The following HECW2 variants were observed in gnomAD, a reference collection of about 807,000 sequenced individuals.
HECW2 encodes the protein E3 ubiquitin-protein ligase HECW2.
Under a neutral mutation model 175.2 loss-of-function variants are expected in HECW2, and 61 were observed. The ratio of observed to expected loss-of-function variants is 0.35; its 90% CI spans 0.28 to 0.43. The LOEUF (loss-of-function observed/expected upper bound fraction) is 0.43. Among genes scored for constraint, HECW2 ranks in the 20% least tolerant of loss-of-function variants. The pLI, the probability that HECW2 is intolerant of heterozygous loss-of-function variation, is 1.00. For synonymous variants in HECW2, 671 were observed against 731.0 expected, an observed-to-expected ratio of 0.92 and a Z score of 1.32; for missense variants, 1,524 against 2,000.5, an observed-to-expected ratio of 0.76 and a Z score of 4.54.
chr2:196,452,001 T>A (rs1696363184), intron 1 of HECW2, among the ~76,000 whole-genome samples: 1 of 152,254 alleles, frequency 6.6e-6, no homozygotes, highest in African/African-American at 2.4e-5. Context: ...TCTAACTACA[T>A]CAAATACTAT....
At position 196,325,163 on chromosome 2, in the gene HECW2, G is replaced by A. The variant is rs1019068244; in HGVS notation, c.572-14C>T. The A allele has an allele frequency of 1.2e-5, 19 of 1,555,812 alleles. No homozygotes were observed. The African/African-American group carries it at 1.8e-4, about 15-fold the overall frequency. On this transcript the variant is annotated splice_polypyrimidine_tract_variant and intron_variant, in intron 5 of 28. Coordinates refer to ENST00000644978, the MANE Select transcript of HECW2 (RefSeq NM_001348768.2). ...CTGCCCTAAGATCTTTAAAGAAAGA[G>A]GGAGAAGGAGGGAGGGACAAAGAGA...
At chr2:196,407,005 GA>G (rs1223579383) in intron 2 of HECW2, among the ~76,000 whole-genome samples, 7 of 152,098 alleles carry the variant, frequency 4.6e-5, no homozygotes, top group Non-Finnish European at 1.0e-4. Context: ...CACAAGTTGG[GA>G]GACGCTCTGT....
chr2:196,318,800 G>A lies in HECW2; in HGVS notation c.2090C>T (p.Ser697Leu), dbSNP rs139251909. 181 of 1,526,912 alleles carry A rather than the reference G, an allele frequency of 1.2e-4. No individual in the cohort carries two copies. In the African/African-American group the frequency reaches 1.4e-3, roughly 12 times the overall value. The allele number at this position is 1,526,912 out of a possible 1,614,324, so 94.6% of individuals were successfully genotyped here. A position where few individuals can be genotyped will look rare whatever the true frequency, so the allele number is the denominator to read the frequency against. Residue 697 changes from serine to leucine, a missense_variant, in exon 9 of 29, where the codon TCG becomes TTG. By Grantham distance (145) the Ser-to-Leu change is moderately radical. Coordinates refer to ENST00000644978, the MANE Select transcript of HECW2 (RefSeq NM_001348768.2). ...ACCAGCAGTGCACACGGATTCCTGC[G>A]ACCCTTCGGCAGGGCCACTGCTGGT... ...EPTSSGPAEG[S>L]QESVCTAGSL... is the part of the protein sequence containing the mutation.
At chr2:196,332,529 T>C (rs76338759) in intron 4 of HECW2, among the ~76,000 whole-genome samples, 4,075 of 152,308 alleles carry the variant, frequency 0.027, 72 homozygotes, top group South Asian at 0.059. Context: ...TGAAACCTGT[T>C]TGAAGCAAAT....
chr2:196,554,113 C>T (rs899616040), intron 1 of HECW2, among the ~76,000 whole-genome samples: 4 of 151,844 alleles, frequency 2.6e-5, no homozygotes, highest in African/African-American at 9.7e-5. Context: ...CCGAGGCGGG[C>T]GGATCACGAG....
At chr2:196,445,943 G>A (rs1365918726) in intron 1 of HECW2, among the ~76,000 whole-genome samples, 1 of 152,082 alleles carries the variant, frequency 6.6e-6, no homozygotes, top group African/African-American at 2.4e-5. Context: ...TTCCATTCTT[G>A]ATTTTTGTAT....
chr2:196,227,743 T>C (rs1687906138), intron 22 of HECW2, among the ~76,000 whole-genome samples: 1 of 151,988 alleles, frequency 6.6e-6, no homozygotes, highest in African/African-American at 2.4e-5. Flanking sequence ...CCCCTCCTCA[T>C]CCCCACCTCA....
chr2:196,502,408 ATAT>A (rs1297365532), intron 1 of HECW2, among the ~76,000 whole-genome samples: 2 of 152,234 alleles, frequency 1.3e-5, no homozygotes, highest in African/African-American at 4.8e-5. Flanking sequence ...AAACAATAAC[ATAT>A]TATCAAATTC....
chr2:196,500,379 G>GCATA (rs1482095353), intron 1 of HECW2, among the ~76,000 whole-genome samples: 17 of 152,080 alleles, frequency 1.1e-4, no homozygotes, highest in Admixed American at 5.9e-4. Context: ...ATACATACAT[G>GCATA]CATACATACA....
chr2:196,292,832 A>G (rs957592347), intron 13 of HECW2, 82 bp from the exon 14 acceptor site: 2 of 1,060,470 alleles, frequency 1.9e-6, no homozygotes, highest in African/African-American at 1.6e-5. Flanking sequence ...GGTATGGCTA[A>G]TCTTCCAATA....
chr2:196,342,132 C>T (rs1002173076), intron 3 of HECW2, among the ~76,000 whole-genome samples: 3 of 151,946 alleles, frequency 2.0e-5, no homozygotes. Context: ...TGGCCAGGCA[C>T]AGGGGCTCAT....
chr2:196,513,352 T>C (rs1163852965), intron 1 of HECW2, among the ~76,000 whole-genome samples: 4 of 152,032 alleles, frequency 2.6e-5, no homozygotes, highest in South Asian at 2.1e-4. Context: ...CTACAAAAAA[T>C]AGAAAAATTA....
intron 2 of HECW2, among the ~76,000 whole-genome samples, chr2:196,362,820 C>T (rs960457700): frequency 6.6e-6 from 1 of 152,114 alleles, no homozygotes; most frequent in Non-Finnish European, 1.5e-5. Flanking sequence ...TGTTAGCCCA[C>T]CTGTGTCAGT....
chr2:196,206,989 C>T (rs1687091058), intron 28 of HECW2, among the ~76,000 whole-genome samples: 1 of 152,156 alleles, frequency 6.6e-6, no homozygotes, highest in South Asian at 2.1e-4. Context: ...TGCAGGTTTT[C>T]TCTGAATCAA....
intron 2 of HECW2, among the ~76,000 whole-genome samples, chr2:196,408,814 C>A (rs1695031203): frequency 6.6e-6 from 1 of 152,202 alleles, no homozygotes; most frequent in South Asian, 2.1e-4. Context: ...CTGAGGAATG[C>A]TGGACTCGTT....
At chr2:196,482,994 C>T (rs1358916803) in intron 1 of HECW2, among the ~76,000 whole-genome samples, 4 of 151,466 alleles carry the variant, frequency 2.6e-5, no homozygotes, top group African/African-American at 9.7e-5. Flanking sequence ...CGTTGGCTTA[C>T]CTCGAGAAAA....
chr2:196,308,502 A>G (rs1288309993), intron 10 of HECW2, among the ~76,000 whole-genome samples: 1 of 152,242 alleles, frequency 6.6e-6, no homozygotes, highest in Admixed American at 6.5e-5. Context: ...TGAAAGCCTC[A>G]TAGCTGGAGA....
At chr2:196,370,783 T>C (rs1470035056) in intron 2 of HECW2, among the ~76,000 whole-genome samples, 1 of 152,176 alleles carries the variant, frequency 6.6e-6, no homozygotes, top group African/African-American at 2.4e-5. Context: ...CTGCCCAGCG[T>C]TGCTTTCTGC....
At chr2:196,233,436 G>T (rs1688130499) in intron 21 of HECW2, among the ~76,000 whole-genome samples, 1 of 152,090 alleles carries the variant, frequency 6.6e-6, no homozygotes, top group African/African-American at 2.4e-5. Context: ...TTTCAACTAA[G>T]AATTACTGAA....
Sources: gnomAD v4.1 joint callset for allele counts (sites outside exome capture counted in the v4.1 genomes callset) on GRCh38, gnomAD v4.1.1 for gene constraint, MANE v1.5 for transcripts, NCBI Gene and HGNC (gene_info 2026-07-23, HGNC 2026-07-21) for gene names.